Variants in EHBP1 observed in about 807,000 individuals in gnomAD.
EHBP1 encodes EH domain-binding protein 1.
In EHBP1, 55 loss-of-function variants were observed where a neutral mutation model predicts 144.0. The observed-to-expected ratio is 0.38, with a 90% confidence interval of 0.31 to 0.48. EHBP1 has a LOEUF of 0.48. Ranked by LOEUF, EHBP1 falls within the 20% of genes least tolerant of loss-of-function variation. The pLI is 0.98. For synonymous variants in EHBP1, 469 were observed against 472.7 expected (o/e 0.99, Z 0.10); for missense variants, 1,200 against 1,364.2 (o/e 0.88, Z 1.90).
At chr2:62,742,649 G>C (rs933141316) in intron 2 of EHBP1, among the ~76,000 whole-genome samples, 1 of 152,028 alleles carries the variant, frequency 6.6e-6, no homozygotes, top group Non-Finnish European at 1.5e-5. Context: ...TACCAAAAAA[G>C]GAGGGGAGGT....
intron 12 of EHBP1, among the ~76,000 whole-genome samples, chr2:62,944,821 G>A (rs971977464): frequency 1.3e-5 from 2 of 152,268 alleles, no homozygotes; most frequent in Middle Eastern, 3.4e-3. Flanking sequence ...AAAGAGGGAA[G>A]CACCTAACTC....
chr2:62,974,057 T>A lies in EHBP1; in HGVS notation c.2461-5131T>A, dbSNP rs1310259133. 4.6e-5 allele frequency among the ~76,000 whole-genome samples: 7 copies of A among 152,220 alleles called. No homozygotes were observed. In the South Asian group the frequency reaches 6.2e-4, roughly 13 times the overall value. On this transcript the variant is annotated intron_variant, in intron 14 of 22. Coordinates refer to ENST00000431489, the MANE Select transcript of EHBP1 (RefSeq NM_001142616.3). ...ATACTGATAGTAAACAGGATTTTTTTATGATTTTCTTGCATCTTCACTCTC... is the reference window on the plus strand; with the variant it reads ...ATACTGATAGTAAACAGGATTTTTTAATGATTTTCTTGCATCTTCACTCTC...
At chr2:62,751,667 T>C (rs1573124870) in intron 3 of EHBP1, among the ~76,000 whole-genome samples, 2 of 152,206 alleles carry the variant, frequency 1.3e-5, no homozygotes, top group African/African-American at 4.8e-5. Context: ...TCAGAGCCTG[T>C]TATTGGTCTA....
intron 3 of EHBP1, among the ~76,000 whole-genome samples, chr2:62,751,018 A>G (rs1317086690): frequency 2.0e-5 from 3 of 151,636 alleles, no homozygotes; most frequent in South Asian, 2.1e-4. Flanking sequence ...TTCCAACACT[A>G]TGTTGAATAG....
intron 3 of EHBP1, among the ~76,000 whole-genome samples, chr2:62,759,805 C>G (rs2040615759): frequency 6.6e-6 from 1 of 152,178 alleles, no homozygotes; most frequent in Non-Finnish European, 1.5e-5. Context: ...TTCTAGTTAC[C>G]TGTATTAAAC....
In EHBP1 at chr2:62,930,061, A is replaced by G. The variant is rs566011161; in HGVS notation, c.1186-12657A>G. The stretch of plus-strand genomic sequence containing the variant: ...CAGGAGTTCAAGACCAGCCTGGAAA[A>G]CATGGCGAAACCCCCATCTCTACAA... On this transcript the variant is annotated intron_variant, in intron 10 of 22. Transcript: ENST00000431489. 1.5e-4 allele frequency among the ~76,000 whole-genome samples: 23 copies of G among 152,226 alleles called. No individual in the cohort carries two copies. In the East Asian group the frequency reaches 4.1e-3, roughly 27 times the overall value.
At chr2:62,837,459 A>G (rs1239060460) in intron 7 of EHBP1, among the ~76,000 whole-genome samples, 124 of 151,982 alleles carry the variant, frequency 8.2e-4, no homozygotes, top group Non-Finnish European at 1.4e-3. Context: ...AGCTAACATC[A>G]TAATGACAGG....
chr2:62,848,858 A>G (rs1226089833), intron 7 of EHBP1, among the ~76,000 whole-genome samples: 1 of 152,216 alleles, frequency 6.6e-6, no homozygotes, highest in African/African-American at 2.4e-5. Context: ...GTTTGTCAAA[A>G]TTCATTAAAT....
chr2:62,943,223 A>C (rs1325612978), intron 11 of EHBP1, among the ~76,000 whole-genome samples: 1 of 152,038 alleles, frequency 6.6e-6, no homozygotes, highest in African/African-American at 2.4e-5. Context: ...CTAAAAATAC[A>C]AAATTAGCCA....
intron 10 of EHBP1, among the ~76,000 whole-genome samples, chr2:62,899,316 T>C (rs529474837): frequency 2.0e-5 from 3 of 152,276 alleles, no homozygotes; most frequent in South Asian, 4.1e-4. Flanking sequence ...TTAAGGCCCA[T>C]GTGGAGAAAA....
chr2:62,914,117 A>G lies in EHBP1; in HGVS notation c.1186-28601A>G, dbSNP rs186564251. Among the ~76,000 whole-genome samples, 57 of 152,294 alleles carry G rather than the reference A, an allele frequency of 3.7e-4. No individual in the cohort carries two copies. The East Asian group carries it at 0.011, about 29-fold the overall frequency. ...GAATAGTGTAACCACAGCATTTTAA[A>G]AAAAATCTCTGTTAAGCATACAGCT... On this transcript the variant is annotated intron_variant, in intron 10 of 22. Transcript: ENST00000431489.
intron 1 of EHBP1, among the ~76,000 whole-genome samples, chr2:62,679,565 G>T (rs1046043378): frequency 6.6e-6 from 1 of 151,914 alleles, no homozygotes; most frequent in East Asian, 1.9e-4. Context: ...TTGTTCTAAG[G>T]TCCTAGTAGG....
At chr2:62,846,970 A>G (rs2048339255) in intron 7 of EHBP1, among the ~76,000 whole-genome samples, 1 of 152,174 alleles carries the variant, frequency 6.6e-6, no homozygotes, top group African/African-American at 2.4e-5. Flanking sequence ...TTAAAAATAA[A>G]GAAATTCAAA....
At chr2:62,930,778 A>C (rs956539929) in intron 10 of EHBP1, among the ~76,000 whole-genome samples, 1 of 152,186 alleles carries the variant, frequency 6.6e-6, no homozygotes, top group Non-Finnish European at 1.5e-5. Context: ...AAAATGGAGA[A>C]AAGACCATTT....
At chr2:62,683,740 AG>A (rs1418021107) in intron 1 of EHBP1, among the ~76,000 whole-genome samples, 1 of 151,684 alleles carries the variant, frequency 6.6e-6, no homozygotes, top group Admixed American at 6.6e-5. Context: ...CTAGGAAAGA[AG>A]GGGGAATTAA....
intron 10 of EHBP1, among the ~76,000 whole-genome samples, chr2:62,906,049 T>C (rs1229644848): frequency 1.3e-5 from 2 of 152,166 alleles, no homozygotes; most frequent in East Asian, 3.8e-4. Flanking sequence ...TTTCCTCTTA[T>C]GTTTTCATTG....
chr2:62,700,665 CA>C (rs1460427807), intron 1 of EHBP1, among the ~76,000 whole-genome samples: 6 of 152,144 alleles, frequency 3.9e-5, no homozygotes, highest in Admixed American at 2.0e-4. Context: ...TGTAAGTTTG[CA>C]CTGTCCATTA....
intron 2 of EHBP1, among the ~76,000 whole-genome samples, chr2:62,723,157 A>G (rs1038059744): frequency 1.3e-5 from 2 of 152,150 alleles, no homozygotes; most frequent in Non-Finnish European, 2.9e-5. Flanking sequence ...TGCTTTATGA[A>G]TTGGGGTGCT....
intron 1 of EHBP1, among the ~76,000 whole-genome samples, chr2:62,683,782 T>C (rs2033621726): frequency 6.6e-6 from 1 of 151,902 alleles, no homozygotes. Flanking sequence ...AGATGTCTAC[T>C]TGCCTAGAAC....
Sources: gnomAD v4.1 joint callset for allele counts (sites outside exome capture counted in the v4.1 genomes callset) on GRCh38, gnomAD v4.1.1 for gene constraint, MANE v1.5 for transcripts, NCBI Gene and HGNC (gene_info 2026-07-23, HGNC 2026-07-21) for gene names.